The following CACNG3 variants were observed in gnomAD, a reference collection of about 807,000 sequenced individuals.
CACNG3 encodes calcium voltage-gated channel auxiliary subunit gamma 3.
In CACNG3, 3 loss-of-function variants were observed where a neutral mutation model predicts 28.5. The ratio of observed to expected loss-of-function variants is 0.11; its 90% CI spans 0.05 to 0.27. The LOEUF is 0.27. Ranked by LOEUF, CACNG3 falls within the 10% of genes least tolerant of loss-of-function variation. The pLI is 1.00. For missense variants in CACNG3, 236 were observed against 414.4 expected (o/e 0.57, Z 3.74); for synonymous variants, 174 against 162.2 (o/e 1.07, Z -0.55).
chr16:24,332,464 CAAA>C (rs397955620), intron 1 of CACNG3, among the ~76,000 whole-genome samples: 4 of 135,460 alleles, frequency 3.0e-5, no homozygotes, highest in Middle Eastern at 3.7e-3. Context: ...GACCCTGTCT[CAAA>C]AAAAAAAAAA....
intron 1 of CACNG3, among the ~76,000 whole-genome samples, chr16:24,340,729 C>T (rs1899774930): frequency 6.6e-6 from 1 of 152,280 alleles, no homozygotes; most frequent in African/African-American, 2.4e-5. Flanking sequence ...TCAACACCTC[C>T]GGAAATCTCT....
intron 1 of CACNG3, among the ~76,000 whole-genome samples, chr16:24,311,851 A>G (rs1195908815): frequency 6.6e-6 from 1 of 152,274 alleles, no homozygotes; most frequent in Non-Finnish European, 1.5e-5. Context: ...CTCCATCTCA[A>G]AAAATAAATA....
Position 24,361,779 on chromosome 16 carries a change from T to C in CACNG3, c.864T>C (p.Phe288=), listed in dbSNP as rs1174281245. 3.7e-6 allele frequency: 6 copies of C among 1,613,966 alleles called. No homozygotes were observed. The highest frequency in any genetic ancestry group is 4.2e-6 in the Non-Finnish European group (5 of 1,180,044). ...TCAACTCCGACCGGGACCACGCTTT[T>C]CTACAGTTCCACAATTCCACACCCA... ...TLLNSDRDHA[F]LQFHNSTPKE... Residue 288 remains phenylalanine, a synonymous_variant, in exon 4 of 4, where the codon TTT becomes TTC. Coordinates refer to ENST00000005284, the MANE Select transcript of CACNG3 (RefSeq NM_006539.4). The surrounding 1 kb of genome is among the most constrained non-coding windows in gnomAD (Gnocchi z 6.8).
intron 1 of CACNG3, among the ~76,000 whole-genome samples, chr16:24,282,693 A>G (rs185908749): frequency 5.9e-4 from 90 of 152,288 alleles, no homozygotes; most frequent in African/African-American, 1.9e-3. Flanking sequence ...CAATTTATCC[A>G]CGTTGAATTT....
At chr16:24,360,748 A>C (rs1455218517) in intron 3 of CACNG3, among the ~76,000 whole-genome samples, 3 of 152,188 alleles carry the variant, frequency 2.0e-5, no homozygotes, top group African/African-American at 7.2e-5. Context: ...TTAGAACCCT[A>C]GTAAGTCATT....
At chr16:24,341,850 T>C (rs1899792229) in intron 1 of CACNG3, among the ~76,000 whole-genome samples, 1 of 152,244 alleles carries the variant, frequency 6.6e-6, no homozygotes, top group African/African-American at 2.4e-5. Context: ...TAAAGAGGGC[T>C]GCTGATGTCA....
intron 3 of CACNG3, among the ~76,000 whole-genome samples, chr16:24,359,527 C>T (rs1567227323): frequency 6.6e-6 from 1 of 152,042 alleles, no homozygotes; most frequent in African/African-American, 2.4e-5. Flanking sequence ...GCCCTGTACT[C>T]TGGAGAAAAA....
intron 3 of CACNG3, among the ~76,000 whole-genome samples, chr16:24,357,261 G>A (rs953393910): frequency 1.1e-4 from 16 of 144,992 alleles, no homozygotes; most frequent in African/African-American, 3.8e-4. Context: ...AAAGCCATCA[G>A]CTCTCATGAG....
chr16:24,353,965 G>A (rs1356241070), intron 2 of CACNG3, among the ~76,000 whole-genome samples: 1 of 152,150 alleles, frequency 6.6e-6, no homozygotes, highest in African/African-American at 2.4e-5. Flanking sequence ...GGTTGAGGCA[G>A]GAAGATTGCT....
chr16:24,318,535 C>G (rs913867997), intron 1 of CACNG3, among the ~76,000 whole-genome samples: 3 of 152,148 alleles, frequency 2.0e-5, no homozygotes, highest in African/African-American at 7.2e-5. Flanking sequence ...ACAGCAGCTT[C>G]TTGCCTAGTG....
At chr16:24,313,108 G>GAAGGAAGC (rs1372732379) in intron 1 of CACNG3, among the ~76,000 whole-genome samples, 1 of 151,270 alleles carries the variant, frequency 6.6e-6, no homozygotes, top group African/African-American at 2.4e-5. Context: ...AGGAAGGAAG[G>GAAGGAAGC]AAGCTTCTGT....
intron 2 of CACNG3, 53 bp from the exon 3 acceptor site, chr16:24,354,780 G>A (rs1900005981): frequency 6.3e-7 from 1 of 1,583,612 alleles, no homozygotes; most frequent in Admixed American, 1.7e-5. Context: ...GCAATGGGAG[G>A]ACCCCAGGGG....
At position 24,343,120 on chromosome 16, in the gene CACNG3, C is replaced by T. The variant is rs565874359; in HGVS notation, c.212-3614C>T. The stretch of plus-strand genomic sequence containing the variant: ...AGGAGAATCGCTTGAACTGGGGAGG[C>T]GGAGGTTGCAGTGGGCTATGATTAC... On this transcript the variant is annotated intron_variant, in intron 1 of 3. Coordinates refer to ENST00000005284, the MANE Select transcript of CACNG3 (RefSeq NM_006539.4). Among the ~76,000 whole-genome samples the T allele has an allele frequency of 6.6e-5, 10 of 152,068 alleles. No homozygotes were observed. In the East Asian group the frequency reaches 9.7e-4, roughly 15 times the overall value.
chr16:24,308,623 G>A (rs766765584), intron 1 of CACNG3, among the ~76,000 whole-genome samples: 21 of 152,016 alleles, frequency 1.4e-4, no homozygotes, highest in Non-Finnish European at 2.9e-4. Context: ...GGGAGGCCAA[G>A]GTGAGAGGAT....
chr16:24,344,058 C>T (rs964542410), intron 1 of CACNG3, among the ~76,000 whole-genome samples: 9 of 151,910 alleles, frequency 5.9e-5, no homozygotes, highest in African/African-American at 9.7e-5. Context: ...CCAGTCTGGG[C>T]GAGATTCCGT....
chr16:24,336,466 G>A (rs1342979871), intron 1 of CACNG3, among the ~76,000 whole-genome samples: 2 of 151,672 alleles, frequency 1.3e-5, no homozygotes, highest in African/African-American at 2.4e-5. Flanking sequence ...TAGTAAAGGC[G>A]GGGTTTCACC....
intron 1 of CACNG3, among the ~76,000 whole-genome samples, chr16:24,345,039 A>T (rs1343538678): frequency 6.6e-6 from 1 of 152,220 alleles, no homozygotes; most frequent in Non-Finnish European, 1.5e-5. Context: ...GGTAAATGAG[A>T]TAAGGGGTGT....
chr16:24,348,328 A>G (rs1428129823), intron 2 of CACNG3, among the ~76,000 whole-genome samples: 3 of 151,722 alleles, frequency 2.0e-5, no homozygotes, highest in Admixed American at 6.6e-5. Flanking sequence ...GCTTGAGCCC[A>G]GGAAGCTGAG....
chr16:24,356,239 G>A (rs1409078818), intron 3 of CACNG3, among the ~76,000 whole-genome samples: 5 of 152,162 alleles, frequency 3.3e-5, no homozygotes, highest in Non-Finnish European at 4.4e-5. Context: ...GCAAGGTGAT[G>A]GTAGAGTACT....
Sources: gnomAD v4.1 joint callset for allele counts (sites outside exome capture counted in the v4.1 genomes callset) on GRCh38, gnomAD v4.1.1 for gene constraint, Gnocchi (gnomAD v3.1) non-coding constraint, MANE v1.5 for transcripts, NCBI Gene and HGNC (gene_info 2026-07-23, HGNC 2026-07-21) for gene names.